Variants in ARGLU1 observed in about 807,000 individuals in gnomAD.
ARGLU1 encodes arginine and glutamate rich 1, also known as arginine and glutamate-rich protein 1.
In ARGLU1, 9 loss-of-function variants were observed where a neutral mutation model predicts 37.6. The ratio of observed to expected loss-of-function variants is 0.24; its 90% CI spans 0.14 to 0.42. ARGLU1 has a LOEUF of 0.42. Among genes scored for constraint, ARGLU1 ranks in the 10% least tolerant of loss-of-function variants. ARGLU1 has a pLI of 1.00. For synonymous variants in ARGLU1, 166 were observed against 138.5 expected (o/e 1.20, Z -1.39); for missense variants, 211 against 359.2 (o/e 0.59, Z 3.34).
At position 106,567,935 on chromosome 13, in the gene ARGLU1, TC is replaced by T. The variant is rs541918282; in HGVS notation, c.-17del. On this transcript the variant is annotated 5_prime_UTR_variant, in exon 1 of 4. Transcript: ENST00000400198. This position sits in a 1 kb window ranked among gnomAD's most constrained non-coding sequence, Gnocchi z 4.3. ...ACCGGCCCATCCTTCCGGGAGACGC[TC>T]TAACCGCTCGCCTCAGGCCCCTCAC... 35 of 1,597,908 alleles carry T rather than the reference TC, an allele frequency of 2.2e-5. No individual in the cohort carries two copies. The South Asian group carries it at 3.7e-4, about 17-fold the overall frequency.
chr13:106,561,151 T>C (rs893386123), intron 1 of ARGLU1, among the ~76,000 whole-genome samples: 1 of 152,164 alleles, frequency 6.6e-6, no homozygotes, highest in Non-Finnish European at 1.5e-5. Context: ...TTGTTTGAAG[T>C]CTTTATCTAC....
Position 106,567,401 on chromosome 13 carries a change from C to A in ARGLU1, c.347+172G>T, listed in dbSNP as rs1221405318. On this transcript the variant is annotated intron_variant, in intron 1 of 3. Coordinates refer to ENST00000400198, the MANE Select transcript of ARGLU1 (RefSeq NM_018011.4). This position sits in a 1 kb window ranked among gnomAD's most constrained non-coding sequence, Gnocchi z 4.3. ...TCTGTCCCACCCCAAGCTTTCCAAA[C>A]GCCAAGCCTGCCCGCCCCGCCGCCG... is the stretch of plus-strand genomic sequence containing the variant. 6.6e-6 allele frequency among the ~76,000 whole-genome samples: 1 copy of A among 152,066 alleles called. No homozygotes were observed. Among genetic ancestry groups the A allele is most frequent in the Non-Finnish European group, 1.5e-5 (1 of 67,996 alleles).
chr13:106,546,993 G>T (rs964720004), intron 3 of ARGLU1, among the ~76,000 whole-genome samples: 3 of 152,254 alleles, frequency 2.0e-5, no homozygotes, highest in Non-Finnish European at 4.4e-5. Flanking sequence ...TCATCCTCAT[G>T]AATGGATTAA....
At chr13:106,561,081 G>C (rs1221011513) in intron 1 of ARGLU1, among the ~76,000 whole-genome samples, 1 of 152,122 alleles carries the variant, frequency 6.6e-6, no homozygotes, top group Non-Finnish European at 1.5e-5. Context: ...AGGTACTAGA[G>C]AAAGAATATT....
At position 106,543,884 on chromosome 13, in the gene ARGLU1, T is replaced by C. The variant is rs924465398; in HGVS notation, c.*112A>G. On this transcript the variant is annotated 3_prime_UTR_variant, in exon 4 of 4. Coordinates refer to ENST00000400198, the MANE Select transcript of ARGLU1 (RefSeq NM_018011.4). Reference sequence around the variant, plus strand: ...AGCCCCTATTAGAACAAGCTAACTTTCCAGATTTTACAAATTAAAAAAACA... The same window carrying C: ...AGCCCCTATTAGAACAAGCTAACTTCCCAGATTTTACAAATTAAAAAAACA... 59 of 1,105,016 alleles carry C rather than the reference T, an allele frequency of 5.3e-5. No individual in the cohort carries two copies. The highest frequency in any genetic ancestry group is 6.6e-5 in the Non-Finnish European group (52 of 793,266). The allele number at this position is 1,105,016 out of a possible 1,614,324, so 68.5% of individuals were successfully genotyped here.
chr13:106,551,385 T>C (rs1237264687), intron 3 of ARGLU1, among the ~76,000 whole-genome samples: 1 of 152,188 alleles, frequency 6.6e-6, no homozygotes, highest in African/African-American at 2.4e-5. Flanking sequence ...CCAAGCTTTC[T>C]ATCACTTATA....
chr13:106,565,497 A>T (rs1328555026), intron 1 of ARGLU1, among the ~76,000 whole-genome samples: 1 of 152,244 alleles, frequency 6.6e-6, no homozygotes, highest in Non-Finnish European at 1.5e-5. Flanking sequence ...TTTGAGCTAG[A>T]TCAAGCTCTT....
chr13:106,548,071 A>G (rs916340185), intron 3 of ARGLU1, among the ~76,000 whole-genome samples: 1 of 152,238 alleles, frequency 6.6e-6, no homozygotes, highest in African/African-American at 2.4e-5. Context: ...GCCTACTAGA[A>G]GTATTTAATG....
chr13:106,565,084 T>C (rs1170837184), intron 1 of ARGLU1, among the ~76,000 whole-genome samples: 1 of 152,196 alleles, frequency 6.6e-6, no homozygotes, highest in Admixed American at 6.5e-5. Context: ...TTAGTTTCCA[T>C]CCTACACAAC....
chr13:106,543,015 T>C lies in ARGLU1; in HGVS notation c.*981A>G, dbSNP rs1880300407. On this transcript the variant is annotated 3_prime_UTR_variant, in exon 4 of 4. Coordinates refer to ENST00000400198, the MANE Select transcript of ARGLU1 (RefSeq NM_018011.4). ...TTTAAAAGCATTTTTCTAGCCTTTA[T>C]TAAGTATACTTTGTGATAATACTTA... The C allele has an allele frequency of 6.6e-6, 1 of 152,092 alleles. No individual in the cohort carries two copies. The highest frequency in any genetic ancestry group is 2.1e-4 in the South Asian group (1 of 4,832). 9.4% of individuals were successfully genotyped at this position (152,092 alleles called of 1,614,324 possible).
At chr13:106,556,578 C>G (rs1004655037) in intron 3 of ARGLU1, among the ~76,000 whole-genome samples, 1 of 151,954 alleles carries the variant, frequency 6.6e-6, no homozygotes, top group Non-Finnish European at 1.5e-5. Flanking sequence ...TATATAATTA[C>G]CGAAGACTCT....
chr13:106,547,068 G>A (rs1399920463), intron 3 of ARGLU1, among the ~76,000 whole-genome samples: 2 of 152,118 alleles, frequency 1.3e-5, no homozygotes, highest in African/African-American at 4.8e-5. Flanking sequence ...ATAAAAAGAC[G>A]AGTCTGGCCA....
intron 3 of ARGLU1, among the ~76,000 whole-genome samples, chr13:106,550,741 T>C (rs1880512077): frequency 6.6e-6 from 1 of 152,148 alleles, no homozygotes; most frequent in Non-Finnish European, 1.5e-5. Flanking sequence ...TATGGGAGAA[T>C]CTGTTCCCTG....
chr13:106,559,403 T>C (rs772318276), intron 2 of ARGLU1, 29 bp downstream of exon 2: 18 of 1,612,676 alleles, frequency 1.1e-5, no homozygotes, highest in Non-Finnish European at 1.5e-5. Flanking sequence ...CCATGGACTG[T>C]CTCTACTTTC....
intron 2 of ARGLU1, chr13:106,559,006 T>C: frequency 1.0e-6 from 1 of 985,448 alleles, no homozygotes; most frequent in South Asian, 4.7e-5. Context: ...CCCTGCTCTT[T>C]TTAATCTGAC....
rs767116951 is a variant in ARGLU1, at chr13:106,567,963, C to T, written c.-44G>A. 1.4e-5 allele frequency: 22 copies of T among 1,546,622 alleles called. No homozygotes were observed. The highest frequency in any genetic ancestry group is 1.8e-5 in the Non-Finnish European group (21 of 1,159,780). ...AACCGCTCGCCTCAGGCCCCTCACG[C>T]GGCCAGTTCCCCTCGCCTCCGCCTT... On this transcript the variant is annotated 5_prime_UTR_variant, in exon 1 of 4. Transcript: ENST00000400198. The surrounding 1 kb of genome is among the most constrained non-coding windows in gnomAD (Gnocchi z 4.3).
rs1880316393 is a variant in ARGLU1 at position 106,543,635 on chromosome 13, G to C, written c.*361C>G. 6.3e-6 allele frequency: 1 copy of C among 158,266 alleles called. No homozygotes were observed. The highest frequency in any genetic ancestry group is 2.4e-5 in the African/African-American group (1 of 41,678). The allele number at this position is 158,266 out of a possible 1,614,324, so 9.8% of individuals were successfully genotyped here. ...AAAAAACAAAAAGTCAGCAAAACCA[G>C]CATTATGATGTAGCAAACAGAGTAT... On this transcript the variant is annotated 3_prime_UTR_variant, in exon 4 of 4. Transcript: ENST00000400198.
intron 3 of ARGLU1, among the ~76,000 whole-genome samples, chr13:106,545,834 G>A (rs1880374345): frequency 6.6e-6 from 1 of 152,174 alleles, no homozygotes; most frequent in Non-Finnish European, 1.5e-5. Flanking sequence ...GGTGAGCATG[G>A]TGGAAAATCC....
At chr13:106,558,108 G>T (rs1472545970) in intron 2 of ARGLU1, 9 of 984,856 alleles carry the variant, frequency 9.1e-6, no homozygotes, top group Non-Finnish European at 9.6e-6. Context: ...ACTGTCAGAG[G>T]GTTGTGTCCG....
Sources: gnomAD v4.1 joint callset for allele counts (sites outside exome capture counted in the v4.1 genomes callset) on GRCh38, gnomAD v4.1.1 for gene constraint, Gnocchi (gnomAD v3.1) non-coding constraint, MANE v1.5 for transcripts, NCBI Gene and HGNC (gene_info 2026-07-23, HGNC 2026-07-21) for gene names.